Variants in IQSEC1 observed in about 807,000 individuals in gnomAD.
The protein encoded by IQSEC1 is IQ motif and Sec7 domain ArfGEF 1.
A neutral mutation model predicts 91.0 loss-of-function variants in IQSEC1; 31 were observed. The observed-to-expected ratio is 0.34, with a 90% CI of 0.26 to 0.46. The LOEUF (loss-of-function observed/expected upper bound fraction) is 0.46, where lower values mean the gene tolerates loss of function less well. Ranked by LOEUF, IQSEC1 falls within the 20% of genes least tolerant of loss-of-function variation. The pLI, the probability that IQSEC1 is intolerant of heterozygous loss-of-function variation, is 1.00. For synonymous variants in IQSEC1, 699 were observed against 662.6 expected, an observed-to-expected ratio of 1.05 and a Z score of -0.84; for missense variants, 1,388 against 1,575.6, an observed-to-expected ratio of 0.88 and a Z score of 2.02.
At chr3:13,021,078 C>A (rs933386526) in intron 1 of IQSEC1, among the ~76,000 whole-genome samples, 6 of 152,160 alleles carry the variant, frequency 3.9e-5, no homozygotes, top group Admixed American at 3.9e-4. Flanking sequence ...AATAATATGC[C>A]CTTAGGCGGC....
At chr3:13,001,834 G>A (rs1009572395) in intron 1 of IQSEC1, among the ~76,000 whole-genome samples, 2 of 152,140 alleles carry the variant, frequency 1.3e-5, no homozygotes, top group African/African-American at 4.8e-5. Context: ...TGAGGCGGGC[G>A]GATCACCTGA....
intron 1 of IQSEC1, among the ~76,000 whole-genome samples, chr3:13,049,905 G>C (rs1300909198): frequency 6.6e-6 from 1 of 152,218 alleles, no homozygotes; most frequent in African/African-American, 2.4e-5. Flanking sequence ...CAACCAGACA[G>C]TACGGTCGCT....
chr3:12,939,134 C>T (rs1253856173), intron 2 of IQSEC1, among the ~76,000 whole-genome samples: 1 of 152,216 alleles, frequency 6.6e-6, no homozygotes. Flanking sequence ...GTTTCACTAC[C>T]CCACTTCTCA....
Position 13,111,686 on chromosome 3 carries a change from A to G in IQSEC1, c.302+52418T>C, listed in dbSNP as rs1206405203. Among the ~76,000 whole-genome samples the G allele has an allele frequency of 3.3e-5, 5 of 152,256 alleles. No individual in the cohort carries two copies. In the East Asian group the frequency reaches 5.8e-4, roughly 18 times the overall value. ...ATGAGGTCATGGGAGTAGAGTCCCC[A>G]TGATGATATCAGTGTCCTCATAAGA... On this transcript the variant is annotated intron_variant, in intron 2 of 15. Transcript: ENST00000648114.
intron 1 of IQSEC1, among the ~76,000 whole-genome samples, chr3:13,234,040 C>T (rs533490907): frequency 1.3e-3 from 193 of 152,344 alleles, no homozygotes; most frequent in Admixed American, 3.5e-3. Flanking sequence ...ATGCCACTTC[C>T]GGGATCCCAG....
chr3:13,165,611 G>A (rs1693481281), intron 1 of IQSEC1, among the ~76,000 whole-genome samples: 1 of 140,450 alleles, frequency 7.1e-6, no homozygotes, highest in Non-Finnish European at 1.5e-5. Flanking sequence ...CGCCATCTTA[G>A]GTTGCTCACC....
rs1321419671 is a variant in IQSEC1, at chr3:13,136,686, C to A, written c.302+27418G>T. On this transcript the variant is annotated intron_variant, in intron 2 of 15. Coordinates refer to the IQSEC1 transcript ENST00000648114. ...AAGGATGCGCCACCTCCCGAGGCAG[C>A]AGAGAAATGCCAAGCAGGATCTTAA... Among the ~76,000 whole-genome samples the A allele has an allele frequency of 2.0e-5, 3 of 152,310 alleles. No individual in the cohort carries two copies. In the East Asian group the frequency reaches 5.8e-4, roughly 29 times the overall value.
chr3:13,196,867 A>G (rs1694138626), intron 1 of IQSEC1, among the ~76,000 whole-genome samples: 1 of 151,954 alleles, frequency 6.6e-6, no homozygotes, highest in Non-Finnish European at 1.5e-5. Flanking sequence ...CTTGTCTCTC[A>G]GGCCACACAG....
rs140555634 is a variant in IQSEC1, at chr3:13,273,366, G to A, written c.272+9345C>T. ...AAAGAGGGGAGTGGCCTGGGTGTGG[G>A]AAGCCAGAGGCAGAGTCCAGGGGTG... On this transcript the variant is annotated intron_variant, in intron 1 of 15. Transcript: ENST00000648114. Among the ~76,000 whole-genome samples, 1,309 of 152,298 alleles carry A rather than the reference G, an allele frequency of 8.6e-3. 11 individuals carry two copies. Among genetic ancestry groups the A allele is most frequent in the Non-Finnish European group, 0.013 (876 of 68,012 alleles).
intron 1 of IQSEC1, among the ~76,000 whole-genome samples, chr3:13,202,621 G>A (rs781407805): frequency 5.9e-5 from 9 of 152,154 alleles, no homozygotes; most frequent in Non-Finnish European, 1.3e-4. Flanking sequence ...GGTGCCTGGG[G>A]CTGGGGGAGG....
At chr3:12,981,438 A>G (rs1701452305) in intron 1 of IQSEC1, among the ~76,000 whole-genome samples, 1 of 152,176 alleles carries the variant, frequency 6.6e-6, no homozygotes, top group African/African-American at 2.4e-5. Context: ...ACAAGAAACT[A>G]ATAACACGAG....
rs1696931430 is a variant in IQSEC1 at position 12,924,462 on chromosome 3, GC to G, written c.1730+118del. 3.9e-6 allele frequency: 4 copies of G among 1,019,694 alleles called. No homozygotes were observed. The highest frequency in any genetic ancestry group is 5.6e-6 in the Non-Finnish European group (4 of 715,868). The allele number at this position is 1,019,694 out of a possible 1,614,324, so 63.2% of individuals were successfully genotyped here. ...AGGACTTAGGAAGAGAGAAAGGGGG[GC>G]CCACCACATGTCCCAGCAAGTAGGG... On this transcript the variant is annotated intron_variant, in intron 4 of 13. Transcript: ENST00000613206. This position sits in a 1 kb window ranked among gnomAD's most constrained non-coding sequence, Gnocchi z 6.3.
At chr3:13,104,527 C>T (rs1559255878) in intron 2 of IQSEC1, among the ~76,000 whole-genome samples, 1 of 152,200 alleles carries the variant, frequency 6.6e-6, no homozygotes, top group Non-Finnish European at 1.5e-5. Flanking sequence ...AGTAGATTTC[C>T]ACCGCTGACC....
intron 1 of IQSEC1, among the ~76,000 whole-genome samples, chr3:13,263,412 T>C (rs113284843): frequency 0.12 from 14,797 of 126,726 alleles, 750 homozygotes; most frequent in East Asian, 0.17. Flanking sequence ...AAAAAGTACC[T>C]GACACTTTTT....
chr3:12,913,012 G>C (rs1255646509), intron 9 of IQSEC1, among the ~76,000 whole-genome samples: 1 of 152,252 alleles, frequency 6.6e-6, no homozygotes, highest in African/African-American at 2.4e-5. Flanking sequence ...AGCGACAAGC[G>C]CTAACTCTGC....
chr3:12,953,068 A>T (rs1456438063), intron 1 of IQSEC1, among the ~76,000 whole-genome samples: 5 of 152,150 alleles, frequency 3.3e-5, no homozygotes, highest in Non-Finnish European at 5.9e-5. Flanking sequence ...ATAGGGCCTG[A>T]TCCTTCATCC....
chr3:13,089,444 G>A (rs1161823615), intron 2 of IQSEC1, among the ~76,000 whole-genome samples: 2 of 152,072 alleles, frequency 1.3e-5, no homozygotes, highest in Non-Finnish European at 2.9e-5. Flanking sequence ...AATTAGCCAG[G>A]TGTGGTGGTG....
chr3:13,101,517 G>A (rs1410632079), intron 2 of IQSEC1, among the ~76,000 whole-genome samples: 2 of 152,102 alleles, frequency 1.3e-5, no homozygotes, highest in East Asian at 3.9e-4. Context: ...ATGAGCGATG[G>A]TGGTGCCTGG....
chr3:12,913,289 C>T (rs1171048351), intron 9 of IQSEC1, 139 bp downstream of exon 9: 3 of 827,404 alleles, frequency 3.6e-6, no homozygotes, highest in African/African-American at 3.5e-5. Flanking sequence ...TCATGTGCAT[C>T]AGTGTGAAAG....
Sources: gnomAD v4.1 joint callset for allele counts (sites outside exome capture counted in the v4.1 genomes callset) on GRCh38, gnomAD v4.1.1 for gene constraint, Gnocchi (gnomAD v3.1) non-coding constraint, MANE v1.5 for transcripts, NCBI Gene and HGNC (gene_info 2026-07-23, HGNC 2026-07-21) for gene names.